UVSSA: variants seen among roughly 807,000 people sequenced by gnomAD.
The protein encoded by UVSSA is UV stimulated scaffold protein A.
A neutral mutation model predicts 73.9 loss-of-function variants in UVSSA; 72 were observed. That is an observed-to-expected ratio of 0.97 (90% CI 0.81 to 1.19). The LOEUF is 1.19. UVSSA is among the 50% of genes most tolerant of loss of function. The probability of loss-of-function intolerance (pLI) is 0.00; values close to 1 mark genes in which losing one functional copy is unlikely to be tolerated. For missense variants in UVSSA, 1,150 were observed against 965.0 expected (o/e 1.19, Z -2.54); for synonymous variants, 454 against 391.3 (o/e 1.16, Z -1.89).
chr4:1,388,041 G>A lies in UVSSA; in HGVS notation c.*2080G>A, dbSNP rs560074373. ...TTACCGTCTTAATATTAAATCTTCT[G>A]AGTCATGAGCTTCTGATTATCTTTC... On this transcript the variant is annotated 3_prime_UTR_variant, in exon 14 of 14. Coordinates refer to ENST00000389851, the MANE Select transcript of UVSSA (RefSeq NM_020894.4). 6.6e-5 allele frequency: 10 copies of A among 151,038 alleles called. No individual in the cohort carries two copies. The South Asian group carries it at 2.1e-3, about 32-fold the overall frequency. 9.4% of individuals were successfully genotyped at this position (151,038 alleles called of 1,614,324 possible). A position where few individuals can be genotyped will look rare whatever the true frequency, so the allele number is the denominator to read the frequency against.
intron 7 of UVSSA, among the ~76,000 whole-genome samples, chr4:1,363,454 A>T (rs1315763378): frequency 6.6e-6 from 1 of 152,262 alleles, no homozygotes; most frequent in Non-Finnish European, 1.5e-5. Flanking sequence ...GGGTGCGAAC[A>T]GGAAGCATAA....
upstream of UVSSA, among the ~76,000 whole-genome samples, chr4:1,344,349 G>A (rs1713534956): frequency 6.6e-6 from 1 of 152,160 alleles, no homozygotes; most frequent in Non-Finnish European, 1.5e-5. Flanking sequence ...CCAGGAGTTC[G>A]AGACCAGCCT....
In UVSSA at chr4:1,349,418, G is replaced by A. The variant is rs753490657; in HGVS notation, c.99-106G>A. ...AGGGGAGAATGAAGATGGGAAGGCAGTGGTGGTCCCTGCCACACGTGCGTG... is the reference window on the plus strand; with the variant it reads ...AGGGGAGAATGAAGATGGGAAGGCAATGGTGGTCCCTGCCACACGTGCGTG... On this transcript the variant is annotated intron_variant, in intron 2 of 13. Coordinates refer to ENST00000389851, the MANE Select transcript of UVSSA (RefSeq NM_020894.4). 1.7e-4 allele frequency: 185 copies of A among 1,092,478 alleles called. 1 individual carries two copies. The highest frequency in any genetic ancestry group is 2.2e-4 in the Non-Finnish European group (172 of 769,522). The allele number at this position is 1,092,478 out of a possible 1,614,324, so 67.7% of individuals were successfully genotyped here.
chr4:1,354,837 C>T lies in UVSSA; in HGVS notation c.1037C>T (p.Ser346Leu), dbSNP rs570106038. Reference protein sequence around the residue: ...IRNKFLPAVCSWIQRFTRVGT... With the variant: ...IRNKFLPAVCLWIQRFTRVGT... ...AACAAGTTCCTGCCGGCTGTGTGCTCGTGGATCCAGGTGAGCCTCGAACCT... is the reference window on the plus strand; with the variant it reads ...AACAAGTTCCTGCCGGCTGTGTGCTTGTGGATCCAGGTGAGCCTCGAACCT... The change falls in exon 6 of 14, where the codon TCG becomes TTG. Residue 346 changes from serine (S) to leucine (L), a missense_variant. Transcript: ENST00000389851. 3.7e-5 allele frequency: 60 copies of T among 1,607,738 alleles called. No individual in the cohort carries two copies. In the Middle Eastern group the frequency reaches 5.0e-4, roughly 13 times the overall value.
intron 7 of UVSSA, among the ~76,000 whole-genome samples, chr4:1,361,678 C>T (rs1184796842): frequency 3.3e-5 from 5 of 152,248 alleles, no homozygotes; most frequent in Admixed American, 2.6e-4. Flanking sequence ...GCAATTTGCA[C>T]GGCCTTCCAG....
At chr4:1,349,454 G>C in intron 2 of UVSSA, 70 bp from the exon 3 acceptor site, 2 of 1,472,196 alleles carry the variant, frequency 1.4e-6, no homozygotes, top group Non-Finnish European at 1.9e-6. Flanking sequence ...CGGCATCCAT[G>C]CACGGAGAGT....
intron 8 of UVSSA, among the ~76,000 whole-genome samples, chr4:1,369,021 A>G (rs1717692185): frequency 2.0e-5 from 3 of 152,166 alleles, no homozygotes; most frequent in Admixed American, 1.3e-4. Flanking sequence ...GTGCCTTAGA[A>G]GCTGGGAGCT....
intron 7 of UVSSA, among the ~76,000 whole-genome samples, chr4:1,358,862 G>T (rs1348056110): frequency 6.6e-6 from 1 of 152,196 alleles, no homozygotes; most frequent in Non-Finnish European, 1.5e-5. Context: ...ATTCAGTCAT[G>T]CCTGATTTAA....
chr4:1,363,176 G>A (rs1323401665), intron 7 of UVSSA, among the ~76,000 whole-genome samples: 1 of 152,042 alleles, frequency 6.6e-6, no homozygotes, highest in African/African-American at 2.4e-5. Flanking sequence ...GTGGGACCTT[G>A]CCAGGGAGGA....
chr4:1,348,210 A>C, intron 2 of UVSSA, 21 bp downstream of exon 2: 1 of 1,575,166 alleles, frequency 6.3e-7, no homozygotes, highest in South Asian at 1.1e-5. Context: ...GGGTTCAGTA[A>C]CAGTAACTGA....
At chr4:1,389,962 C>T (rs1026318456), downstream of UVSSA, 3 of 152,124 alleles carry the variant, frequency 2.0e-5, no homozygotes, top group African/African-American at 7.2e-5. Context: ...CTATGATTTT[C>T]CATTCTTTAT....
At chr4:1,370,202 A>T (rs1717861321) in intron 8 of UVSSA, among the ~76,000 whole-genome samples, 1 of 152,228 alleles carries the variant, frequency 6.6e-6, no homozygotes, top group African/African-American at 2.4e-5. Flanking sequence ...CTGCGATTGT[A>T]TCTAAATGTC....
Position 1,366,449 on chromosome 4 carries a change from T to TGG in UVSSA, c.1288+25_1288+26dup. ...TGAGTATGGTGAGCAGTGGGTCCCG[T>TGG]GGGGGGGGCACCTGGGTGGAGGGTC... On this transcript the variant is annotated intron_variant, in intron 8 of 13. Transcript: ENST00000389851. 6.4e-7 allele frequency: 1 copy of TGG among 1,569,144 alleles called. No individual in the cohort carries two copies. Among genetic ancestry groups the TGG allele is most frequent in the Non-Finnish European group, 8.7e-7 (1 of 1,153,124 alleles).
At chr4:1,383,683 C>T in intron 12 of UVSSA, 83 bp from the exon 13 acceptor site, 1 of 1,566,922 alleles carries the variant, frequency 6.4e-7, no homozygotes, top group South Asian at 1.1e-5. Context: ...CAGGACGAGA[C>T]CAAGAGCCCC....
intron 8 of UVSSA, among the ~76,000 whole-genome samples, chr4:1,370,560 C>T (rs1360014204): frequency 6.6e-6 from 1 of 152,252 alleles, no homozygotes; most frequent in African/African-American, 2.4e-5. Flanking sequence ...AGCTCCCGAG[C>T]GGGACAGGCA....
In UVSSA at chr4:1,353,115, G is replaced by A. The variant is rs77892061; in HGVS notation, c.636G>A (p.Pro212=). The change falls in exon 5 of 14, where the codon CCG becomes CCA. Residue 212 remains proline, a synonymous_variant. Transcript: ENST00000389851. ...TGCCTTTTGACTTTGACCCGAACCCGGAGACGGAATCCCTTGGCATGGCTT... is the reference window on the plus strand; with the variant it reads ...TGCCTTTTGACTTTGACCCGAACCCAGAGACGGAATCCCTTGGCATGGCTT... The part of the protein sequence containing the change: ...LLVPFDFDPN[P]ETESLGMASG... 0.049 allele frequency: 78,867 copies of A among 1,613,042 alleles called. 2,230 individuals are homozygous for A. The highest frequency in any genetic ancestry group is 0.072 in the Middle Eastern group (434 of 6,062).
chr4:1,347,084 G>A (rs918444474), upstream of UVSSA, among the ~76,000 whole-genome samples: 1 of 152,130 alleles, frequency 6.6e-6, no homozygotes, highest in South Asian at 2.1e-4. Context: ...GCGTCGAGCG[G>A]TAGGTGCAGT....
At chr4:1,348,061 T>TA in intron 1 of UVSSA, 29 bp from the exon 2 acceptor site, 2 of 1,531,016 alleles carry the variant, frequency 1.3e-6, no homozygotes, top group Non-Finnish European at 9.0e-7. Context: ...CAGATGGTGA[T>TA]ATAGCATCTC....
At chr4:1,376,997 C>T (rs989532286) in intron 10 of UVSSA, among the ~76,000 whole-genome samples, 2 of 152,244 alleles carry the variant, frequency 1.3e-5, no homozygotes, top group Non-Finnish European at 2.9e-5. Flanking sequence ...ATATTGCCGT[C>T]CCCACAGCAC....
Sources: gnomAD v4.1 joint callset for allele counts (sites outside exome capture counted in the v4.1 genomes callset) on GRCh38, gnomAD v4.1.1 for gene constraint, MANE v1.5 for transcripts, NCBI Gene and HGNC (gene_info 2026-07-23, HGNC 2026-07-21) for gene names.